ZNF148: variants seen among roughly 807,000 people sequenced by gnomAD.
ZNF148 encodes zinc finger protein 148.
In ZNF148, 7 loss-of-function variants were observed where a neutral mutation model predicts 67.7. The ratio of observed to expected loss-of-function variants is 0.10; its 90% CI spans 0.06 to 0.19. The LOEUF (loss-of-function observed/expected upper bound fraction) is 0.19. ZNF148 is among the 10% of genes least tolerant of loss of function. ZNF148 has a pLI of 1.00. For missense variants in ZNF148, 583 were observed against 947.1 expected, an observed-to-expected ratio of 0.62 and a Z score of 5.05; for synonymous variants, 333 against 330.7, an observed-to-expected ratio of 1.01 and a Z score of -0.08.
chr3:125,255,392 A>G (rs71325822), intron 7 of ZNF148, among the ~76,000 whole-genome samples: 2 of 151,942 alleles, frequency 1.3e-5, no homozygotes, highest in South Asian at 2.1e-4. Context: ...GATTATAGGC[A>G]TGCACCACCA....
intron 7 of ZNF148, among the ~76,000 whole-genome samples, chr3:125,243,278 T>G (rs951692351): frequency 6.6e-6 from 1 of 152,202 alleles, no homozygotes; most frequent in African/African-American, 2.4e-5. Flanking sequence ...CTGTTATATC[T>G]TCTATTCCCT....
At chr3:125,334,019 A>G (rs1038653894) in intron 1 of ZNF148, among the ~76,000 whole-genome samples, 2 of 152,226 alleles carry the variant, frequency 1.3e-5, no homozygotes, top group Non-Finnish European at 2.9e-5. Context: ...TAATATACAT[A>G]AAGACTTTTC....
In ZNF148 at chr3:125,230,214, C is replaced by G. The variant is rs1229365025; in HGVS notation, c.*2127G>C. The G allele has an allele frequency of 1.3e-5, 2 of 152,522 alleles. No homozygotes were observed. Among genetic ancestry groups the G allele is most frequent in the Admixed American group, 6.6e-5 (1 of 15,244 alleles). The allele number at this position is 152,522 out of a possible 1,614,324, so 9.4% of individuals were successfully genotyped here. A position where few individuals can be genotyped will look rare whatever the true frequency, so the allele number is the denominator to read the frequency against. ...GTTCTCCATGAACAAAATTTTTGATCAGGCTCCAAAACAACTCAAGAAATA... is the reference window on the plus strand; with the variant it reads ...GTTCTCCATGAACAAAATTTTTGATGAGGCTCCAAAACAACTCAAGAAATA... On this transcript the variant is annotated 3_prime_UTR_variant, in exon 9 of 9. Coordinates refer to ENST00000360647, the MANE Select transcript of ZNF148 (RefSeq NM_021964.3).
chr3:125,337,840 G>C (rs926772734), intron 1 of ZNF148, among the ~76,000 whole-genome samples: 2 of 152,102 alleles, frequency 1.3e-5, no homozygotes, highest in African/African-American at 4.8e-5. Context: ...AGCAGTTCAT[G>C]CCTATAATCC....
chr3:125,237,544 T>G (rs1391274557), intron 7 of ZNF148, among the ~76,000 whole-genome samples: 1 of 152,164 alleles, frequency 6.6e-6, no homozygotes, highest in Non-Finnish European at 1.5e-5. Flanking sequence ...ATCGAGCCAC[T>G]GTTCTCCAAC....
At chr3:125,368,228 T>C (rs1942761246) in intron 1 of ZNF148, among the ~76,000 whole-genome samples, 1 of 152,220 alleles carries the variant, frequency 6.6e-6, no homozygotes, top group Non-Finnish European at 1.5e-5. Flanking sequence ...TCAGAATTTA[T>C]TTCATCTGAG....
At position 125,334,980 on chromosome 3, in the gene ZNF148, A is replaced by G. The variant is rs79145119; in HGVS notation, c.-233-3742T>C. On this transcript the variant is annotated intron_variant, in intron 1 of 8. Transcript: ENST00000360647. Reference sequence around the variant, plus strand: ...TTCCTTGAGAGATCCTCGTAACTAAATCCTTTAGCTACTACAAGTCTAGCT... The same window carrying G: ...TTCCTTGAGAGATCCTCGTAACTAAGTCCTTTAGCTACTACAAGTCTAGCT... Among the ~76,000 whole-genome samples, 9 of 152,282 alleles carry G rather than the reference A, an allele frequency of 5.9e-5. No homozygotes were observed. The East Asian group carries it at 1.7e-3, about 29-fold the overall frequency.
intron 3 of ZNF148, among the ~76,000 whole-genome samples, chr3:125,321,327 GCTA>G (rs752791084): frequency 3.3e-5 from 5 of 152,002 alleles, no homozygotes; most frequent in Non-Finnish European, 7.4e-5. Context: ...TTCAATAGCT[GCTA>G]ACACAAGTAT....
chr3:125,308,323 A>G (rs957116625), intron 4 of ZNF148, among the ~76,000 whole-genome samples: 1 of 152,188 alleles, frequency 6.6e-6, no homozygotes, highest in African/African-American at 2.4e-5. Flanking sequence ...ACCATGAAAT[A>G]CTTAAGGATA....
chr3:125,238,087 C>T (rs144573422), intron 7 of ZNF148, among the ~76,000 whole-genome samples: 1 of 151,588 alleles, frequency 6.6e-6, no homozygotes, highest in African/African-American at 2.4e-5. Flanking sequence ...GAAGTTAGAC[C>T]CCCCCCAACC....
chr3:125,272,343 A>C (rs1937791478), intron 7 of ZNF148, among the ~76,000 whole-genome samples: 1 of 152,240 alleles, frequency 6.6e-6, no homozygotes, highest in African/African-American at 2.4e-5. Flanking sequence ...CAATTTGTTA[A>C]AGACTTGTTA....
chr3:125,324,860 C>T (rs1347862700), intron 2 of ZNF148, among the ~76,000 whole-genome samples: 2 of 152,114 alleles, frequency 1.3e-5, no homozygotes, highest in African/African-American at 4.8e-5. Flanking sequence ...TAGAACTATT[C>T]ACCTCTCAGT....
intron 7 of ZNF148, among the ~76,000 whole-genome samples, chr3:125,265,660 G>T (rs1937516957): frequency 6.6e-6 from 1 of 152,182 alleles, no homozygotes. Context: ...AAAGTTAGAT[G>T]AAGTGGGCAA....
chr3:125,361,706 T>C (rs1428333432), intron 1 of ZNF148, among the ~76,000 whole-genome samples: 1 of 152,056 alleles, frequency 6.6e-6, no homozygotes, highest in Admixed American at 6.5e-5. Flanking sequence ...TGGCGGCTCA[T>C]GCCTTAATCC....
rs1453558389 is a variant in ZNF148 at position 125,233,425 on chromosome 3, G to A, written c.1301C>T (p.Ala434Val). Residue 434 changes from alanine (A) to valine (V), a missense_variant, in exon 9 of 9, where the codon GCT (alanine) becomes GTT (valine). Coordinates refer to ENST00000360647, the MANE Select transcript of ZNF148 (RefSeq NM_021964.3). This position sits in a 1 kb window ranked among gnomAD's most constrained non-coding sequence, Gnocchi z 5.1. ...AGCATTGCCTTCTGAGTCCAGTAAA[G>A]CCTGTTTATCCACAAGTTCAAAAGC... ...KYAFELVDKQ[A>V]LLDSEGNADI... 1 of 1,613,944 alleles carries A rather than the reference G, an allele frequency of 6.2e-7. No homozygotes were observed. Among genetic ancestry groups the A allele is most frequent in the Non-Finnish European group, 8.5e-7 (1 of 1,179,926 alleles).
intron 1 of ZNF148, among the ~76,000 whole-genome samples, chr3:125,352,642 G>A (rs1310210704): frequency 2.1e-5 from 3 of 144,186 alleles, no homozygotes; most frequent in East Asian, 2.0e-4. Flanking sequence ...CTGTGGTCAC[G>A]GACTGAAGGA....
rs982167363 is a variant in ZNF148 at position 125,316,396 on chromosome 3, TTTTTAG to T, written c.-16-2746_-16-2741del. 2.6e-4 allele frequency among the ~76,000 whole-genome samples: 39 copies of T among 152,224 alleles called. 1 individual carries two copies. ...ATTGCTAGATTGTATGCTAGCTCAA[TTTTTAG>T]TTTTTTGAGGAACCACCAAACTTTT... On this transcript the variant is annotated intron_variant, in intron 3 of 8. Transcript: ENST00000360647.
Position 125,228,092 on chromosome 3 carries a change from A to G in ZNF148, c.*4249T>C, listed in dbSNP as rs1284358170. On this transcript the variant is annotated 3_prime_UTR_variant, in exon 9 of 9. Coordinates refer to ENST00000360647, the MANE Select transcript of ZNF148 (RefSeq NM_021964.3). The stretch of plus-strand genomic sequence containing the variant: ...TATTGAAATGTAGTTATGAAATATG[A>G]AGAGAACTATCTATTTCACAATGGA... The G allele has an allele frequency of 6.6e-6, 1 of 152,652 alleles. No individual in the cohort carries two copies. The highest frequency in any genetic ancestry group is 1.5e-5 in the Non-Finnish European group (1 of 68,028). 9.5% of individuals were successfully genotyped at this position (152,652 alleles called of 1,614,324 possible).
chr3:125,346,127 G>A (rs1290930879), intron 1 of ZNF148, among the ~76,000 whole-genome samples: 10 of 152,342 alleles, frequency 6.6e-5, no homozygotes, highest in Admixed American at 2.6e-4. Flanking sequence ...GATTATGCAT[G>A]ACCATGTAGG....
Sources: allele counts gnomAD v4.1 joint callset (sites outside exome capture counted in the v4.1 genomes callset), GRCh38; gene constraint gnomAD v4.1.1; non-coding constraint Gnocchi (gnomAD v3.1); transcripts MANE v1.5; gene names NCBI Gene and HGNC (gene_info 2026-07-23, HGNC 2026-07-21).